Variants in PTK2 observed in about 807,000 individuals in gnomAD.
The protein encoded by PTK2 is focal adhesion kinase 1.
In PTK2, 45 loss-of-function variants were observed where a neutral mutation model predicts 150.1. That is an observed-to-expected ratio of 0.30 (90% CI 0.24 to 0.38). The LOEUF (loss-of-function observed/expected upper bound fraction) is 0.38. PTK2 is among the 10% of genes least tolerant of loss of function. The pLI, the probability that PTK2 is intolerant of heterozygous loss-of-function variation, is 1.00. For missense variants in PTK2, 919 were observed against 1,307.3 expected (o/e 0.70, Z 4.58); for synonymous variants, 432 against 449.2 (o/e 0.96, Z 0.48).
At chr8:140,790,929 GT>G (rs1466697688) in intron 13 of PTK2, among the ~76,000 whole-genome samples, 3 of 152,110 alleles carry the variant, frequency 2.0e-5, no homozygotes, top group African/African-American at 7.2e-5. Context: ...AAACACTGGG[GT>G]TTTCCCTTGT....
chr8:140,678,943 T>C (rs1022458783), intron 27 of PTK2, among the ~76,000 whole-genome samples: 2 of 150,618 alleles, frequency 1.3e-5, no homozygotes, highest in Admixed American at 6.7e-5. Flanking sequence ...AAAAAATTTT[T>C]AAATTTATGT....
At chr8:140,927,600 T>C (rs772615397) in intron 1 of PTK2, among the ~76,000 whole-genome samples, 3 of 151,994 alleles carry the variant, frequency 2.0e-5, no homozygotes, top group Non-Finnish European at 4.4e-5. Flanking sequence ...AAATCAACAA[T>C]ATACATTTTA....
chr8:140,904,402 C>A (rs1333271332), intron 2 of PTK2, among the ~76,000 whole-genome samples: 1 of 152,110 alleles, frequency 6.6e-6, no homozygotes, highest in Non-Finnish European at 1.5e-5. Context: ...GGTTTGCCAG[C>A]ATTTTATTGA....
chr8:140,952,749 A>T (rs1176481248), intron 1 of PTK2, among the ~76,000 whole-genome samples: 1 of 152,188 alleles, frequency 6.6e-6, no homozygotes, highest in Non-Finnish European at 1.5e-5. Context: ...TCTGTCCTCC[A>T]TTTACCACCA....
At chr8:140,779,260 GAAA>G (rs1205584407) in intron 14 of PTK2, among the ~76,000 whole-genome samples, 1 of 119,514 alleles carries the variant, frequency 8.4e-6, no homozygotes, top group Non-Finnish European at 1.8e-5. Flanking sequence ...AAAAAAAAAA[GAAA>G]AAAAAAAAAA....
chr8:140,970,023 CCT>C (rs1464778055), intron 1 of PTK2, among the ~76,000 whole-genome samples: 23 of 152,234 alleles, frequency 1.5e-4, no homozygotes, highest in East Asian at 9.6e-4. Context: ...AAATAACTGA[CCT>C]ACTTCTGAAA....
chr8:140,733,658 T>C (rs1245827375), intron 22 of PTK2, among the ~76,000 whole-genome samples: 6 of 152,022 alleles, frequency 3.9e-5, no homozygotes, highest in Non-Finnish European at 8.8e-5. Flanking sequence ...GGTGAGAGAA[T>C]AGGCAGTTAA....
At chr8:140,676,085 G>C (rs1433211999) in intron 27 of PTK2, among the ~76,000 whole-genome samples, 1 of 152,140 alleles carries the variant, frequency 6.6e-6, no homozygotes, top group East Asian at 1.9e-4. Flanking sequence ...CCACAAAAAA[G>C]AATACAATTG....
intron 2 of PTK2, among the ~76,000 whole-genome samples, chr8:140,924,071 G>A (rs1051360418): frequency 3.9e-5 from 6 of 152,108 alleles, no homozygotes; most frequent in Non-Finnish European, 5.9e-5. Flanking sequence ...AAGGCCGTGC[G>A]TGATATGGCT....
chr8:140,710,359 A>G (rs1349097597), intron 23 of PTK2, among the ~76,000 whole-genome samples: 3 of 150,480 alleles, frequency 2.0e-5, no homozygotes, highest in Non-Finnish European at 4.4e-5. Flanking sequence ...ATCTGTATCT[A>G]TATTTAAAAT....
intron 1 of PTK2, chr8:140,934,587 G>A (rs1603401526): frequency 6.6e-6 from 1 of 152,102 alleles, no homozygotes; most frequent in Admixed American, 6.6e-5. Context: ...ATCCTCCAGT[G>A]GCTTCCCATC....
exon 22 of PTK2, chr8:140,735,313 C>T (rs776101894): frequency 3.7e-6 from 6 of 1,614,090 alleles, no homozygotes; most frequent in Middle Eastern, 1.6e-4. Context: ...CCCAGCATTT[C>T]GTCATAAGGC....
intron 2 of PTK2, among the ~76,000 whole-genome samples, chr8:140,924,726 G>A (rs1362925872): frequency 6.6e-6 from 1 of 152,112 alleles, no homozygotes; most frequent in Non-Finnish European, 1.5e-5. Flanking sequence ...TCAAGAATAT[G>A]AGAAGAGAAA....
At chr8:140,842,856 TTAAC>T (rs1355836029) in intron 7 of PTK2, among the ~76,000 whole-genome samples, 2 of 152,252 alleles carry the variant, frequency 1.3e-5, no homozygotes, top group East Asian at 1.9e-4. Flanking sequence ...CACATATAAA[TTAAC>T]TAAGATGAAA....
chr8:140,858,211 A>G (rs970778251), intron 5 of PTK2, among the ~76,000 whole-genome samples: 1 of 152,168 alleles, frequency 6.6e-6, no homozygotes, highest in East Asian at 1.9e-4. Flanking sequence ...TATCCTTTAG[A>G]AAGACAAGAA....
chr8:140,792,724 C>G (rs780119546), intron 13 of PTK2, among the ~76,000 whole-genome samples: 4 of 152,234 alleles, frequency 2.6e-5, no homozygotes, highest in Non-Finnish European at 4.4e-5. Flanking sequence ...GCCTCACCCT[C>G]TCTATTCCAG....
chr8:140,765,410 A>C (rs1463244101), intron 14 of PTK2, among the ~76,000 whole-genome samples: 1 of 152,178 alleles, frequency 6.6e-6, no homozygotes, highest in Non-Finnish European at 1.5e-5. Context: ...TATGGTAATG[A>C]CTGAGATCAA....
chr8:140,806,499 T>C (rs751426025), intron 10 of PTK2, among the ~76,000 whole-genome samples: 5 of 152,130 alleles, frequency 3.3e-5, no homozygotes, highest in Non-Finnish European at 7.4e-5. Context: ...AATTAGTCCT[T>C]GTTATTGCTA....
chr8:140,990,788 T>C (rs2100195438), intron 1 of PTK2, among the ~76,000 whole-genome samples: 1 of 152,198 alleles, frequency 6.6e-6, no homozygotes, highest in Admixed American at 6.6e-5. Context: ...AATAAAGTCA[T>C]TTTAGTCTTT....
Sources: allele counts gnomAD v4.1 joint callset (sites outside exome capture counted in the v4.1 genomes callset), GRCh38; gene constraint gnomAD v4.1.1; transcripts MANE v1.5; gene names NCBI Gene and HGNC (gene_info 2026-07-23, HGNC 2026-07-21).